Variants in SEL1L observed in about 807,000 individuals in gnomAD.
SEL1L encodes the protein SEL1L adaptor subunit of SYVN1 ubiquitin ligase.
A neutral mutation model predicts 109.8 loss-of-function variants in SEL1L; 52 were observed. The ratio of observed to expected loss-of-function variants is 0.47; its 90% confidence interval spans 0.38 to 0.60. SEL1L has a LOEUF of 0.60. Among genes scored for constraint, SEL1L ranks in the 20% least tolerant of loss-of-function variants. The pLI is 0.00. For missense variants in SEL1L, 749 were observed against 962.2 expected, an observed-to-expected ratio of 0.78 and a Z score of 2.93; for synonymous variants, 373 against 339.6, an observed-to-expected ratio of 1.10 and a Z score of -1.08.
At chr14:81,485,623 C>A (rs1278078042) in intron 18 of SEL1L, 49 bp downstream of exon 18, 1 of 1,462,186 alleles carries the variant, frequency 6.8e-7, no homozygotes, top group South Asian at 1.1e-5. Flanking sequence ...AGATAAACAA[C>A]ATAGGGAGGT....
At chr14:81,484,457 AC>A in intron 18 of SEL1L, 60 bp from the exon 19 acceptor site, 1 of 1,464,948 alleles carries the variant, frequency 6.8e-7, no homozygotes, top group Non-Finnish European at 9.3e-7. Context: ...AACAGATCAA[AC>A]TTTTTTCTCC....
At chr14:81,479,434 A>T in intron 20 of SEL1L, 178 bp downstream of exon 20, 1 of 444,862 alleles carries the variant, frequency 2.2e-6, no homozygotes, top group Non-Finnish European at 3.8e-6. Context: ...TAGCTGCTTT[A>T]TGCCTGCATT....
chr14:81,523,524 A>T (rs1360690968), intron 3 of SEL1L, among the ~76,000 whole-genome samples: 1 of 152,140 alleles, frequency 6.6e-6, no homozygotes, highest in Non-Finnish European at 1.5e-5. Flanking sequence ...ATGTAAATTT[A>T]TATTTACATT....
At chr14:81,491,039 A>G (rs1413837574) in intron 12 of SEL1L, among the ~76,000 whole-genome samples, 1 of 152,242 alleles carries the variant, frequency 6.6e-6, no homozygotes, top group African/African-American at 2.4e-5. Flanking sequence ...ATCAGCTCAT[A>G]TATTAGTCTC....
chr14:81,493,938 A>G (rs796279096), intron 11 of SEL1L, among the ~76,000 whole-genome samples: 12 of 152,278 alleles, frequency 7.9e-5, no homozygotes, highest in African/African-American at 2.6e-4. Flanking sequence ...TTTTTCTATC[A>G]GTTGACTTCT....
chr14:81,477,132 T>C lies in SEL1L; in HGVS notation c.2225A>G (p.Glu742Gly). ...GATGGTCATGAGGTAAAGGTCCCAC[T>C]CAGGTCCCAAAAGCTGGTCCATATC... ...QLDMDQLLGPEWDLYLMTIIA... is the reference protein window; with the variant it reads ...QLDMDQLLGPGWDLYLMTIIA... The change falls in exon 21 of 21, where the codon GAG (glutamate) becomes GGG (glycine). Residue 742 changes from glutamate to glycine, a missense_variant. Physicochemically the swap from Glu to Gly is moderately conservative, Grantham distance 98 (BLOSUM62 -2). Around this residue, in one of 2 missense-constraint regions of SEL1L, gnomAD observed 383 missense variants for 562.5 expected, o/e 0.68. Coordinates refer to ENST00000336735, the MANE Select transcript of SEL1L (RefSeq NM_005065.6). 8 of 1,614,138 alleles carry C rather than the reference T, an allele frequency of 5.0e-6. No homozygotes were observed. The highest frequency in any genetic ancestry group is 6.8e-6 in the Non-Finnish European group (8 of 1,180,030).
In SEL1L at chr14:81,526,978, G is replaced by A. The variant is rs772543651; in HGVS notation, c.109-14C>T. The A allele has an allele frequency of 5.1e-6, 8 of 1,580,906 alleles. No homozygotes were observed. The South Asian group carries it at 8.9e-5, about 18-fold the overall frequency. The stretch of plus-strand genomic sequence containing the variant: ...TGTCAAAGTAGTCTGAGAATATAAA[G>A]TATTTTTAGTTATCAACAATGCCAA... On this transcript the variant is annotated splice_polypyrimidine_tract_variant and intron_variant, in intron 2 of 20. Transcript: ENST00000336735.
At position 81,498,431 on chromosome 14, in the gene SEL1L, G is replaced by A. The variant is rs1883867069; in HGVS notation, c.955C>T (p.Arg319Cys). The change falls in exon 9 of 21, where the codon CGT (arginine) becomes TGT (cysteine). Residue 319 changes from arginine to cysteine, a missense_variant. By Grantham distance (180) the Arg-to-Cys change is radical. This residue lies in a region of SEL1L where 366 missense variants were observed against 399.8 expected (regional missense o/e 0.92). Coordinates refer to ENST00000336735, the MANE Select transcript of SEL1L (RefSeq NM_005065.6). ...TAGATACCATGATTGGCAACAAGAC[G>A]ATAGTGAGTCAGGGCAGATTCACAA... The part of the protein sequence containing the change: ...QSCESALTHY[R>C]LVANHVASDI... 5 of 1,613,522 alleles carry A rather than the reference G, an allele frequency of 3.1e-6. No individual in the cohort carries two copies. The highest frequency in any genetic ancestry group is 4.2e-6 in the Non-Finnish European group (5 of 1,179,762).
chr14:81,532,204 T>G (rs1185745683), intron 1 of SEL1L, among the ~76,000 whole-genome samples: 1 of 152,248 alleles, frequency 6.6e-6, no homozygotes, highest in Admixed American at 6.5e-5. Context: ...CTCTGCCAAT[T>G]AAATTCAGAG....
At chr14:81,489,211 T>C (rs900427638) in intron 14 of SEL1L, 41 bp downstream of exon 14, 2 of 1,558,228 alleles carry the variant, frequency 1.3e-6, no homozygotes, top group Non-Finnish European at 1.8e-6. Flanking sequence ...CCTCTCCAGC[T>C]GACTGCTCAT....
At chr14:81,501,913 A>T (rs1015587823) in intron 6 of SEL1L, among the ~76,000 whole-genome samples, 6 of 151,928 alleles carry the variant, frequency 3.9e-5, no homozygotes, top group African/African-American at 1.5e-4. Context: ...AACAAACTAA[A>T]AGCCACCATG....
chr14:81,521,158 C>T (rs910442672), intron 3 of SEL1L, among the ~76,000 whole-genome samples: 2 of 152,152 alleles, frequency 1.3e-5, no homozygotes, highest in Middle Eastern at 3.4e-3. Flanking sequence ...TAGAAGTTAT[C>T]GGTATGAAAG....
intron 3 of SEL1L, among the ~76,000 whole-genome samples, chr14:81,512,836 T>C (rs946491998): frequency 5.9e-5 from 9 of 152,220 alleles, no homozygotes; most frequent in African/African-American, 2.2e-4. Flanking sequence ...TCATTCATGA[T>C]CAACAAATGT....
Position 81,526,769 on chromosome 14 carries a change from T to C in SEL1L, c.304A>G (p.Lys102Glu). 6.2e-7 allele frequency: 1 copy of C among 1,609,462 alleles called. No homozygotes were observed. The highest frequency in any genetic ancestry group is 8.5e-7 in the Non-Finnish European group (1 of 1,178,798). Residue 102 changes from lysine to glutamate, a missense_variant, in exon 3 of 21, where the codon AAG (lysine) becomes GAG (glutamate). Physicochemically the swap from Lys to Glu is moderately conservative, Grantham distance 56. Transcript: ENST00000336735. ...ACTTTCTTTGGCTCTTCATAGTCCTTGTTTTCTGGATTTGGAGACTCTAGA... is the reference window on the plus strand; with the variant it reads ...ACTTTCTTTGGCTCTTCATAGTCCTCGTTTTCTGGATTTGGAGACTCTAGA... ...SFLESPNPEN[K>E]DYEEPKKVRK... is the part of the protein sequence containing the mutation.
At position 81,475,587 on chromosome 14, in the gene SEL1L, T is replaced by TA; in HGVS notation, c.*1384dup. The TA allele has an allele frequency of 6.6e-6, 1 of 152,302 alleles. No homozygotes were observed. The highest frequency in any genetic ancestry group is 1.9e-4 in the East Asian group (1 of 5,192). 9.4% of individuals were successfully genotyped at this position (152,302 alleles called of 1,614,324 possible). A position where few individuals can be genotyped will look rare whatever the true frequency, so the allele number is the denominator to read the frequency against. ...AGTAGGCATAGAAAACCTGCTCAGA[T>TA]ACGAATGCAGTCTCAGACAAGATAC... On this transcript the variant is annotated 3_prime_UTR_variant, in exon 21 of 21. Coordinates refer to ENST00000336735, the MANE Select transcript of SEL1L (RefSeq NM_005065.6).
At chr14:81,495,650 A>C (rs191820191) in intron 10 of SEL1L, among the ~76,000 whole-genome samples, 1 of 152,188 alleles carries the variant, frequency 6.6e-6, no homozygotes, top group East Asian at 1.9e-4. Flanking sequence ...AAAAACAAAA[A>C]ACGGGCTAGG....
chr14:81,524,173 C>T (rs1195991406), intron 3 of SEL1L, among the ~76,000 whole-genome samples: 1 of 152,060 alleles, frequency 6.6e-6, no homozygotes, highest in Admixed American at 6.5e-5. Context: ...CATTTTGCAA[C>T]CCCTAATAAT....
At position 81,504,197 on chromosome 14, in the gene SEL1L, C is replaced by T; in HGVS notation, c.614+4G>A. 6.4e-7 allele frequency: 1 copy of T among 1,569,976 alleles called. No homozygotes were observed. The highest frequency in any genetic ancestry group is 8.7e-7 in the Non-Finnish European group (1 of 1,153,040). ...GGAAAAGTGGACTTAGCAGTGCTAC[C>T]TACTCTCTTTTTTGGCTTTTCTTAT... On this transcript the variant is annotated splice_donor_region_variant and intron_variant, in intron 5 of 20. Coordinates refer to ENST00000336735, the MANE Select transcript of SEL1L (RefSeq NM_005065.6).
At chr14:81,484,193 G>C (rs1398818166) in intron 19 of SEL1L, 32 bp downstream of exon 19, 5 of 1,569,828 alleles carry the variant, frequency 3.2e-6, no homozygotes, top group Admixed American at 1.7e-5. Flanking sequence ...TCACAATTAT[G>C]TGATTCAAAC....
Sources: gnomAD v4.1 joint callset for allele counts (sites outside exome capture counted in the v4.1 genomes callset) on GRCh38, gnomAD v4.1.1 for gene constraint, gnomAD v4.1.1 regional missense constraint, MANE v1.5 for transcripts, NCBI Gene and HGNC (gene_info 2026-07-23, HGNC 2026-07-21) for gene names.